The following SLC66A1 variants were observed in gnomAD, a reference collection of about 807,000 sequenced individuals.
SLC66A1 encodes lysosomal amino acid transporter 1 homolog.
SLC66A1 carries 23 observed loss-of-function variants against 33.0 expected under a neutral mutation model. That is an observed-to-expected ratio of 0.70 (90% CI 0.50 to 0.99). The LOEUF is 0.99. SLC66A1 is among the 50% of genes least tolerant of loss of function. The probability of loss-of-function intolerance (pLI) is 0.00; values close to 1 mark genes in which losing one functional copy is unlikely to be tolerated. For missense variants in SLC66A1, 335 were observed against 383.6 expected, an observed-to-expected ratio of 0.87 and a Z score of 1.06; for synonymous variants, 164 against 175.5, an observed-to-expected ratio of 0.93 and a Z score of 0.52.
In SLC66A1 at chr1:19,325,619, C is replaced by T. The variant is rs1430841392; in HGVS notation, c.382+37C>T. On this transcript the variant is annotated intron_variant, in intron 4 of 7. Coordinates refer to ENST00000375153, the MANE Select transcript of SLC66A1 (RefSeq NM_001040125.2). ...GACCGCTCTCTGTCAGATGCTCTAC[C>T]AGCAGCAGGGGGCAGTTGTGGGGGG... The T allele has an allele frequency of 3.1e-6, 4 of 1,277,762 alleles. No homozygotes were observed. In the African/African-American group the frequency reaches 4.8e-5, roughly 15 times the overall value. 79.2% of individuals were successfully genotyped at this position (1,277,762 alleles called of 1,614,324 possible). A position where few individuals can be genotyped will look rare whatever the true frequency, so the allele number is the denominator to read the frequency against.
At chr1:19,315,235 G>A (rs1292169482) in intron 1 of SLC66A1, among the ~76,000 whole-genome samples, 1 of 152,200 alleles carries the variant, frequency 6.6e-6, no homozygotes, top group East Asian at 1.9e-4. Context: ...TTAATTTGGA[G>A]TGGCCTTTCA....
chr1:19,317,957 C>G (rs1179746236), intron 2 of SLC66A1, 116 bp downstream of exon 2: 1 of 1,454,836 alleles, frequency 6.9e-7, no homozygotes, highest in Admixed American at 2.1e-5. Flanking sequence ...AGACTAGAGG[C>G]TGGGGTGTGT....
At chr1:19,313,919 A>G (rs2093791590) in intron 1 of SLC66A1, among the ~76,000 whole-genome samples, 1 of 152,154 alleles carries the variant, frequency 6.6e-6, no homozygotes, top group South Asian at 2.1e-4. Flanking sequence ...AGTGCACTAG[A>G]TGGAGCAGAA....
chr1:19,323,020 C>G lies in SLC66A1; in HGVS notation c.165-1613C>G, dbSNP rs544222517. Among the ~76,000 whole-genome samples, 17 of 152,016 alleles carry G rather than the reference C, an allele frequency of 1.1e-4. No homozygotes were observed. In the East Asian group the frequency reaches 3.3e-3, roughly 29 times the overall value. On this transcript the variant is annotated intron_variant, in intron 2 of 7. Transcript: ENST00000375153. ...CCTCAGCCTCTTGAGTAGCTGGGAC[C>G]ACAGGTCCCCACTCCACACTTGGCT...
At position 19,328,453 on chromosome 1, in the gene SLC66A1, A is replaced by G. The variant is rs928660793; in HGVS notation, c.805-119A>G. On this transcript the variant is annotated intron_variant, in intron 7 of 7. Transcript: ENST00000375153. This position sits in a 1 kb window ranked among gnomAD's most constrained non-coding sequence, Gnocchi z 4.7. ...TGGGAGGTTATGGCTGGCCCTTCCC[A>G]CCTGCAGCGTGGGGGTGGGAGGGAG... 4.4e-6 allele frequency: 4 copies of G among 905,554 alleles called. No homozygotes were observed. In the East Asian group the frequency reaches 7.9e-5, roughly 18 times the overall value. 56.1% of individuals were successfully genotyped at this position (905,554 alleles called of 1,614,324 possible). A position where few individuals can be genotyped will look rare whatever the true frequency, so the allele number is the denominator to read the frequency against.
rs375109630 is a variant in SLC66A1, at chr1:19,326,364, C to T, written c.502C>T (p.Leu168=). The change falls in exon 5 of 8, where the codon CTG becomes TTG. Residue 168 remains leucine (L), a synonymous_variant. Transcript: ENST00000375153. ...GGAAGCCTTCCGGGGGCGGGCGCTC[C>T]TGTCCGTGGAGTCGGGCAGCAAGGT... ...PREAFRGRAL[L]SVESGSKPFT... 40 of 1,606,702 alleles carry T rather than the reference C, an allele frequency of 2.5e-5. No individual in the cohort carries two copies. Among genetic ancestry groups the T allele is most frequent in the Non-Finnish European group, 3.3e-5 (39 of 1,179,122 alleles).
At chr1:19,320,137 G>GT (rs112676143) in intron 2 of SLC66A1, among the ~76,000 whole-genome samples, 2,818 of 151,914 alleles carry the variant, frequency 0.019, 92 homozygotes, top group African/African-American at 0.065. Flanking sequence ...CTGAGCTCAA[G>GT]TGATCCTCCT....
At chr1:19,319,017 T>A (rs2093820110) in intron 2 of SLC66A1, among the ~76,000 whole-genome samples, 1 of 151,738 alleles carries the variant, frequency 6.6e-6, no homozygotes, top group South Asian at 2.1e-4. Flanking sequence ...GTCACAGGAG[T>A]CATCAAAGGC....
At position 19,326,560 on chromosome 1, in the gene SLC66A1, CG is replaced by C; in HGVS notation, c.556del (p.Val186SerfsTer38). ...TCACCCGGCAGGAAGTCATTGGCTT[CG>C]TCATCGGCTCCATCTCCAGCGTGTT... ...PFTRQEVIGF[V>X]IGSISSVLYL... On this transcript the variant is annotated frameshift_variant, in exon 6 of 8. Transcript: ENST00000375153. LOFTEE classifies it high-confidence loss of function. 6.2e-7 allele frequency: 1 copy of C among 1,614,236 alleles called. No homozygotes were observed. The highest frequency in any genetic ancestry group is 8.5e-7 in the Non-Finnish European group (1 of 1,180,042).
At chr1:19,332,986 G>A (rs938479870), downstream of SLC66A1, among the ~76,000 whole-genome samples, 19 of 152,196 alleles carry the variant, frequency 1.2e-4, no homozygotes, top group African/African-American at 4.3e-4. Context: ...ACGAGACACT[G>A]TATGGGGAAG....
rs369165516 is a variant in SLC66A1, at chr1:19,324,780, C to T, written c.294+18C>T. On this transcript the variant is annotated intron_variant, in intron 3 of 7. Transcript: ENST00000375153. ...CCCTGCAGGTGGGCCGGTACCCGGG[C>T]AAGGTGGCGCTACCCCTAACCCTGC... 2.5e-6 allele frequency: 4 copies of T among 1,613,316 alleles called. No individual in the cohort carries two copies. Among genetic ancestry groups the T allele is most frequent in the Non-Finnish European group, 2.5e-6 (3 of 1,179,776 alleles).
intron 2 of SLC66A1, among the ~76,000 whole-genome samples, chr1:19,318,383 G>C (rs1010776810): frequency 6.6e-6 from 1 of 152,302 alleles, no homozygotes; most frequent in African/African-American, 2.4e-5. Flanking sequence ...ATGCTGCACA[G>C]GGGTCAAGAG....
chr1:19,326,426 G>T, intron 5 of SLC66A1, 39 bp downstream of exon 5: 1 of 1,606,218 alleles, frequency 6.2e-7, no homozygotes, highest in Non-Finnish European at 8.5e-7. Flanking sequence ...ATGGAGGCTG[G>T]CTCATCCCCA....
rs1176518238 is a variant in SLC66A1 at position 19,328,511 on chromosome 1, C to A, written c.805-61C>A. ...GGAGGCAGCTCCCAGGAGTCGAAGGCCCCCAGGGGCAGGTCCAACCCAGTC... is the reference window on the plus strand; with the variant it reads ...GGAGGCAGCTCCCAGGAGTCGAAGGACCCCAGGGGCAGGTCCAACCCAGTC... On this transcript the variant is annotated intron_variant, in intron 7 of 7. Coordinates refer to ENST00000375153, the MANE Select transcript of SLC66A1 (RefSeq NM_001040125.2). The surrounding 1 kb of genome is among the most constrained non-coding windows in gnomAD (Gnocchi z 4.7). 6 of 1,504,990 alleles carry A rather than the reference C, an allele frequency of 4.0e-6. No homozygotes were observed. In the Admixed American group the frequency reaches 5.5e-5, roughly 14 times the overall value. 93.2% of individuals were successfully genotyped at this position (1,504,990 alleles called of 1,614,324 possible). A position where few individuals can be genotyped will look rare whatever the true frequency, so the allele number is the denominator to read the frequency against.
chr1:19,322,915 T>C (rs1309060088), intron 2 of SLC66A1, among the ~76,000 whole-genome samples: 1 of 151,896 alleles, frequency 6.6e-6, no homozygotes, highest in East Asian at 1.9e-4. Flanking sequence ...AAGGTCTCAC[T>C]GTGTCATCCA....
Position 19,328,479 on chromosome 1 carries a change from G to T in SLC66A1, c.805-93G>T. 8.5e-7 allele frequency: 1 copy of T among 1,174,010 alleles called. No individual in the cohort carries two copies. Among genetic ancestry groups the T allele is most frequent in the Non-Finnish European group, 1.2e-6 (1 of 810,150 alleles). The allele number at this position is 1,174,010 out of a possible 1,614,324, so 72.7% of individuals were successfully genotyped here. A position where few individuals can be genotyped will look rare whatever the true frequency, so the allele number is the denominator to read the frequency against. ...CCTGCAGCGTGGGGGTGGGAGGGAG[G>T]GGAGAGGGAGGCAGCTCCCAGGAGT... On this transcript the variant is annotated intron_variant, in intron 7 of 7. Transcript: ENST00000375153. The surrounding 1 kb of genome is among the most constrained non-coding windows in gnomAD (Gnocchi z 4.7).
downstream of SLC66A1, among the ~76,000 whole-genome samples, chr1:19,334,254 A>G (rs2093899020): frequency 6.6e-6 from 1 of 152,136 alleles, no homozygotes; most frequent in African/African-American, 2.4e-5. Flanking sequence ...TGAGGCACCA[A>G]CCCTCAGGGA....
At chr1:19,330,185 G>A (rs981924823), downstream of SLC66A1, among the ~76,000 whole-genome samples, 1 of 151,992 alleles carries the variant, frequency 6.6e-6, no homozygotes, top group African/African-American at 2.4e-5. Context: ...CAGGTGCCTG[G>A]AGCACAGAGA....
chr1:19,319,203 G>A (rs924056020), intron 2 of SLC66A1, among the ~76,000 whole-genome samples: 2 of 152,222 alleles, frequency 1.3e-5, no homozygotes, highest in Non-Finnish European at 2.9e-5. Flanking sequence ...TATAGCCAGA[G>A]TTGTGTAACT....
Sources: gnomAD v4.1 joint callset for allele counts (sites outside exome capture counted in the v4.1 genomes callset) on GRCh38, gnomAD v4.1.1 for gene constraint, Gnocchi (gnomAD v3.1) non-coding constraint, MANE v1.5 for transcripts, NCBI Gene and HGNC (gene_info 2026-07-23, HGNC 2026-07-21) for gene names.